Variants in AGBL4 observed in about 807,000 individuals in gnomAD.
AGBL4 encodes AGBL carboxypeptidase 4.
Under a neutral mutation model 66.4 loss-of-function variants are expected in AGBL4, and 58 were observed. The ratio of observed to expected loss-of-function variants is 0.87; its 90% CI spans 0.71 to 1.09. The LOEUF is 1.09. Among genes scored for constraint, AGBL4 ranks in the 50% least tolerant of loss-of-function variants. The probability of loss-of-function intolerance (pLI) is 0.00; values close to 1 mark genes in which losing one functional copy is unlikely to be tolerated. For synonymous variants in AGBL4, 234 were observed against 222.9 expected (o/e 1.05, Z -0.44); for missense variants, 579 against 631.0 (o/e 0.92, Z 0.88).
chr1:49,826,282 G>C (rs1189575092), intron 2 of AGBL4, among the ~76,000 whole-genome samples: 5 of 152,202 alleles, frequency 3.3e-5, no homozygotes, highest in African/African-American at 1.2e-4. Context: ...ATATGGGTAT[G>C]AGCATTTGCT....
At chr1:48,766,483 C>G (rs1045281150) in intron 6 of AGBL4, among the ~76,000 whole-genome samples, 1 of 152,234 alleles carries the variant, frequency 6.6e-6, no homozygotes, top group Admixed American at 6.5e-5. Flanking sequence ...CAGACCACGT[C>G]CTCTATCCTC....
At chr1:48,663,091 G>C in intron 7 of AGBL4, 61 bp downstream of exon 7, 1 of 1,497,028 alleles carries the variant, frequency 6.7e-7, no homozygotes, top group Non-Finnish European at 9.3e-7. Flanking sequence ...CTGTTCCAGA[G>C]ATCATCACAG....
At chr1:48,754,112 T>C (rs1652156864) in intron 6 of AGBL4, among the ~76,000 whole-genome samples, 1 of 152,224 alleles carries the variant, frequency 6.6e-6, no homozygotes, top group Non-Finnish European at 1.5e-5. Flanking sequence ...TGAATTATAC[T>C]GTCTAAGTGG....
At chr1:48,735,307 C>A (rs964252080) in intron 6 of AGBL4, among the ~76,000 whole-genome samples, 1 of 152,030 alleles carries the variant, frequency 6.6e-6, no homozygotes, top group African/African-American at 2.4e-5. Context: ...ATATGAACTC[C>A]TTGCAGATGA....
intron 8 of AGBL4, among the ~76,000 whole-genome samples, chr1:48,647,326 G>T (rs937231599): frequency 2.6e-5 from 4 of 152,318 alleles, no homozygotes; most frequent in Admixed American, 1.3e-4. Flanking sequence ...GCTATCTTTT[G>T]GGTAACTGCG....
intron 1 of AGBL4, among the ~76,000 whole-genome samples, chr1:49,887,719 A>C (rs1458828132): frequency 6.6e-6 from 1 of 152,164 alleles, no homozygotes; most frequent in Non-Finnish European, 1.5e-5. Flanking sequence ...TCTAGATGAA[A>C]GATTATGAGA....
intron 4 of AGBL4, among the ~76,000 whole-genome samples, chr1:49,216,959 C>T (rs1289161570): frequency 6.6e-6 from 1 of 152,118 alleles, no homozygotes; most frequent in Non-Finnish European, 1.5e-5. Context: ...TAATGCCAGC[C>T]TTGCAACCTC....
At chr1:49,234,284 G>A (rs1245283144) in intron 4 of AGBL4, among the ~76,000 whole-genome samples, 2 of 152,134 alleles carry the variant, frequency 1.3e-5, no homozygotes, top group Non-Finnish European at 2.9e-5. Context: ...AAATCCATAG[G>A]AAAATCTGAC....
intron 2 of AGBL4, among the ~76,000 whole-genome samples, chr1:49,756,874 A>G (rs968515793): frequency 6.6e-6 from 1 of 152,070 alleles, no homozygotes; most frequent in Admixed American, 6.6e-5. Context: ...TTTATAAATT[A>G]CCCAGTCTTG....
At chr1:49,642,288 A>C (rs1300081257) in intron 3 of AGBL4, among the ~76,000 whole-genome samples, 1 of 151,998 alleles carries the variant, frequency 6.6e-6, no homozygotes, top group East Asian at 1.9e-4. Flanking sequence ...AAGACATTGG[A>C]AGGTAGGCAA....
intron 4 of AGBL4, among the ~76,000 whole-genome samples, chr1:49,149,197 G>C (rs537369801): frequency 6.6e-6 from 1 of 152,310 alleles, no homozygotes; most frequent in East Asian, 1.9e-4. Flanking sequence ...TCTCTTTACA[G>C]TGCTAAGATG....
At chr1:49,323,216 T>C (rs1645161304) in intron 3 of AGBL4, among the ~76,000 whole-genome samples, 1 of 152,158 alleles carries the variant, frequency 6.6e-6, no homozygotes, top group Non-Finnish European at 1.5e-5. Flanking sequence ...GCTTATACCC[T>C]ACAAACTCCT....
chr1:49,550,490 G>A (rs1314043234), intron 3 of AGBL4, among the ~76,000 whole-genome samples: 1 of 152,164 alleles, frequency 6.6e-6, no homozygotes, highest in Non-Finnish European at 1.5e-5. Context: ...TTGTAGTGGT[G>A]GCTTGATAGT....
intron 4 of AGBL4, among the ~76,000 whole-genome samples, chr1:49,184,870 A>G (rs975179640): frequency 6.6e-6 from 1 of 152,160 alleles, no homozygotes; most frequent in Non-Finnish European, 1.5e-5. Context: ...GACAATGAAA[A>G]TGTCCTATAA....
intron 2 of AGBL4, among the ~76,000 whole-genome samples, chr1:49,781,486 A>G (rs1358003570): frequency 6.6e-6 from 1 of 152,216 alleles, no homozygotes; most frequent in African/African-American, 2.4e-5. Context: ...AGAGAACTCC[A>G]AAATATATGA....
At chr1:48,625,849 T>C (rs553027833) in intron 9 of AGBL4, among the ~76,000 whole-genome samples, 10 of 152,306 alleles carry the variant, frequency 6.6e-5, no homozygotes, top group African/African-American at 2.2e-4. Context: ...TGCTTTCTGC[T>C]GGAGTCAAAG....
intron 9 of AGBL4, among the ~76,000 whole-genome samples, chr1:48,606,379 C>T (rs1469405533): frequency 6.6e-6 from 1 of 151,952 alleles, no homozygotes; most frequent in African/African-American, 2.4e-5. Context: ...GACTTCATGG[C>T]ATTTTAGGAA....
At chr1:48,745,324 G>C (rs1043226847) in intron 6 of AGBL4, among the ~76,000 whole-genome samples, 5 of 152,180 alleles carry the variant, frequency 3.3e-5, no homozygotes, top group African/African-American at 1.2e-4. Flanking sequence ...CCGAGAAGTA[G>C]AAATCAGGGC....
At chr1:49,544,178 C>CA (rs1292537091) in intron 3 of AGBL4, among the ~76,000 whole-genome samples, 2 of 152,116 alleles carry the variant, frequency 1.3e-5, no homozygotes, top group Non-Finnish European at 2.9e-5. Context: ...CTTACTTGTT[C>CA]AAAGTAATAT....
Sources: allele counts gnomAD v4.1 joint callset (sites outside exome capture counted in the v4.1 genomes callset), GRCh38; gene constraint gnomAD v4.1.1; transcripts MANE v1.5; gene names NCBI Gene and HGNC (gene_info 2026-07-23, HGNC 2026-07-21).